CDH12: variants seen among roughly 807,000 people sequenced by gnomAD.
CDH12 encodes cadherin 12.
CDH12 carries 41 observed loss-of-function variants against 74.1 expected under a neutral mutation model. The observed-to-expected ratio is 0.55, with a 90% confidence interval of 0.43 to 0.72. The LOEUF is 0.72. Ranked by LOEUF, CDH12 falls within the 30% of genes least tolerant of loss-of-function variation. CDH12 has a pLI of 0.00. For synonymous variants in CDH12, 399 were observed against 355.0 expected (o/e 1.12, Z -1.39); for missense variants, 945 against 977.2 (o/e 0.97, Z 0.44).
chr5:22,746,549 A>G (rs943378923), intron 1 of CDH12, among the ~76,000 whole-genome samples: 1 of 152,200 alleles, frequency 6.6e-6, no homozygotes, highest in East Asian at 1.9e-4. Flanking sequence ...AGAAAGAGTT[A>G]GACATTACAG....
chr5:22,588,573 T>C (rs2126795295), intron 1 of CDH12, among the ~76,000 whole-genome samples: 1 of 152,266 alleles, frequency 6.6e-6, no homozygotes, highest in Non-Finnish European at 1.5e-5. Flanking sequence ...TACAATAAAC[T>C]GTTAAGAGAA....
intron 1 of CDH12, among the ~76,000 whole-genome samples, chr5:22,571,464 T>C (rs1739536335): frequency 6.6e-6 from 1 of 152,142 alleles, no homozygotes; most frequent in Non-Finnish European, 1.5e-5. Flanking sequence ...ATAGCTGGGA[T>C]TACAGGCATG....
At chr5:21,958,192 T>A (rs1225505156) in intron 6 of CDH12, among the ~76,000 whole-genome samples, 2 of 152,178 alleles carry the variant, frequency 1.3e-5, no homozygotes, top group African/African-American at 4.8e-5. Flanking sequence ...ATTGTAAGTT[T>A]CCTGAGGCCT....
intron 1 of CDH12, among the ~76,000 whole-genome samples, chr5:22,848,408 A>G (rs1237033102): frequency 6.6e-6 from 1 of 152,136 alleles, no homozygotes; most frequent in African/African-American, 2.4e-5. Context: ...TCTTTCCTTC[A>G]AACAGTGTAA....
intron 6 of CDH12, among the ~76,000 whole-genome samples, chr5:21,880,584 C>CTTCCTTCCTTCCCTTCTTTCT (rs1752230470): frequency 4.4e-5 from 2 of 45,612 alleles, no homozygotes; most frequent in Non-Finnish European, 4.3e-5. Context: ...TCCTTCCTTC[C>CTTCCTTCCTTCCCTTCTTTCT]TTCCTTCCTT....
chr5:21,982,569 G>A (rs1757351759), intron 5 of CDH12, among the ~76,000 whole-genome samples: 1 of 149,654 alleles, frequency 6.7e-6, no homozygotes, highest in African/African-American at 2.5e-5. Flanking sequence ...TCTATATATG[G>A]ATACATCTAT....
intron 4 of CDH12, among the ~76,000 whole-genome samples, chr5:22,089,284 A>G (rs1743272350): frequency 6.6e-6 from 1 of 152,214 alleles, no homozygotes; most frequent in South Asian, 2.1e-4. Context: ...GTTAGAATAT[A>G]GTATTTATAA....
At chr5:22,823,263 T>C (rs966924878) in intron 1 of CDH12, among the ~76,000 whole-genome samples, 3 of 149,782 alleles carry the variant, frequency 2.0e-5, no homozygotes, top group African/African-American at 4.9e-5. Flanking sequence ...GGGATAGCAT[T>C]AGGAGTTACA....
chr5:22,244,731 G>GGAAGAAAGA, intron 3 of CDH12, among the ~76,000 whole-genome samples: 1 of 116,204 alleles, frequency 8.6e-6, no homozygotes, highest in East Asian at 2.5e-4. Context: ...GAAAGAAAAA[G>GGAAGAAAGA]AAAGAAAGAA....
At chr5:21,882,252 A>G (rs777018646) in intron 6 of CDH12, among the ~76,000 whole-genome samples, 1 of 152,180 alleles carries the variant, frequency 6.6e-6, no homozygotes, top group Non-Finnish European at 1.5e-5. Context: ...CTCATGTCCA[A>G]ATGTTTGTGA....
rs141049629 is a variant in CDH12, at chr5:22,756,793, C to G, written c.-523+96265G>C. 4.5e-3 allele frequency among the ~76,000 whole-genome samples: 685 copies of G among 152,112 alleles called. 3 individuals are homozygous for G. The highest frequency in any genetic ancestry group is 0.016 in the African/African-American group (661 of 41,494). Reference sequence around the variant, plus strand: ...TGGCCAAGATGGTGAAACCCCGTCTCTACTAAAAATACAAAACTTAGCCAG... The same window carrying G: ...TGGCCAAGATGGTGAAACCCCGTCTGTACTAAAAATACAAAACTTAGCCAG... On this transcript the variant is annotated intron_variant, in intron 1 of 14. Transcript: ENST00000382254.
chr5:22,270,969 G>A (rs941378416), intron 3 of CDH12, among the ~76,000 whole-genome samples: 2 of 151,984 alleles, frequency 1.3e-5, no homozygotes, highest in African/African-American at 4.8e-5. Context: ...CACCACGCCC[G>A]GCCCTTTACT....
At chr5:22,269,562 C>T (rs1187284761) in intron 3 of CDH12, among the ~76,000 whole-genome samples, 1 of 152,086 alleles carries the variant, frequency 6.6e-6, no homozygotes, top group Non-Finnish European at 1.5e-5. Flanking sequence ...GCAATTTACA[C>T]CATGTCCAAA....
At chr5:22,831,341 G>T (rs986145545) in intron 1 of CDH12, among the ~76,000 whole-genome samples, 5 of 144,786 alleles carry the variant, frequency 3.5e-5, no homozygotes, top group Middle Eastern at 3.5e-3. Context: ...GAAGGTAGGG[G>T]TTTTGGAGTT....
At chr5:22,185,387 A>G (rs6883821) in intron 4 of CDH12, among the ~76,000 whole-genome samples, 150,687 of 152,136 alleles carry the variant, frequency 0.99, 74,650 homozygotes, top group Middle Eastern at 1. Context: ...TACAGTAGAG[A>G]CAGGTTTCAC....
intron 3 of CDH12, among the ~76,000 whole-genome samples, chr5:22,352,978 A>G (rs558797352): frequency 1.3e-5 from 2 of 152,338 alleles, no homozygotes; most frequent in South Asian, 4.1e-4. Flanking sequence ...CATGTTATGT[A>G]GAGGCACTGC....
At chr5:21,949,374 CAGGAGGCGG>C (rs543207159) in intron 6 of CDH12, among the ~76,000 whole-genome samples, 96 of 150,146 alleles carry the variant, frequency 6.4e-4, no homozygotes, top group African/African-American at 2.1e-3. Context: ...GGCGTGAACC[CAGGAGGCGG>C]AGCTTGCAGT....
At chr5:22,375,677 T>C (rs10473592) in intron 3 of CDH12, among the ~76,000 whole-genome samples, 41,334 of 151,874 alleles carry the variant, frequency 0.27, 5,680 homozygotes, top group East Asian at 0.35. Context: ...AAATGGCTGA[T>C]AAGTATTTGA....
At chr5:22,465,161 G>C (rs1745677269) in intron 2 of CDH12, among the ~76,000 whole-genome samples, 2 of 152,078 alleles carry the variant, frequency 1.3e-5, no homozygotes, top group African/African-American at 4.8e-5. Context: ...CTTCTATCCA[G>C]GCCTCGTTTT....
Sources: allele counts gnomAD v4.1 joint callset (sites outside exome capture counted in the v4.1 genomes callset), GRCh38; gene constraint gnomAD v4.1.1; transcripts MANE v1.5; gene names NCBI Gene and HGNC (gene_info 2026-07-23, HGNC 2026-07-21).